Variants in SCML4 observed in about 807,000 individuals in gnomAD.
SCML4 encodes the protein sex comb on midleg-like protein 4.
Under a neutral mutation model 41.1 loss-of-function variants are expected in SCML4, and 34 were observed. The ratio of observed to expected loss-of-function variants is 0.83; its 90% confidence interval spans 0.63 to 1.10. The LOEUF is 1.10. Ranked by LOEUF, SCML4 falls within the 50% of genes least tolerant of loss-of-function variation. SCML4 has a pLI of 0.00. For synonymous variants in SCML4, 214 were observed against 220.9 expected, an observed-to-expected ratio of 0.97 and a Z score of 0.28; for missense variants, 522 against 534.1, an observed-to-expected ratio of 0.98 and a Z score of 0.22.
the SCML4 span, among the ~76,000 whole-genome samples, chr6:107,830,207 T>C: frequency 2.0e-5 from 3 of 151,254 alleles, no homozygotes; most frequent in South Asian, 4.3e-4. Context: ...GGTGATTGAA[T>C]CAAGTAAAAA....
rs533556389 is a variant in SCML4 at position 107,797,939 on chromosome 6, C to T, written c.-59-25553G>A. Among the ~76,000 whole-genome samples the T allele has an allele frequency of 1.4e-3, 213 of 152,002 alleles. 1 individual carries two copies. The highest frequency in any genetic ancestry group is 4.8e-3 in the African/African-American group (201 of 41,524). ...GAATTACACTGATGGATTTAGAATG[C>T]TAAACAAGCTTGCATTCCTGAAGTA... On this transcript the variant is annotated intron_variant, in intron 1 of 7. Coordinates refer to ENST00000369020, the MANE Select transcript of SCML4 (RefSeq NM_198081.5).
the SCML4 span, among the ~76,000 whole-genome samples, chr6:107,836,941 C>G: frequency 6.6e-6 from 1 of 152,342 alleles, no homozygotes; most frequent in Non-Finnish European, 1.5e-5. Context: ...GGGATATGAT[C>G]TAAGGCCACA....
chr6:107,804,460 GC>G (rs1250486147), intron 1 of SCML4, among the ~76,000 whole-genome samples: 2 of 152,086 alleles, frequency 1.3e-5, no homozygotes, highest in Non-Finnish European at 1.5e-5. Flanking sequence ...GTCTGGAGGG[GC>G]CAGGAGAGAA....
chr6:107,750,344 G>A (rs1778507556), intron 2 of SCML4, among the ~76,000 whole-genome samples: 1 of 152,222 alleles, frequency 6.6e-6, no homozygotes, highest in South Asian at 2.1e-4. Context: ...GACAAAACTA[G>A]GCTGGATGTG....
intron 2 of SCML4, among the ~76,000 whole-genome samples, chr6:107,759,839 C>T (rs1021066805): frequency 6.6e-5 from 10 of 152,076 alleles, no homozygotes; most frequent in African/African-American, 2.2e-4. Flanking sequence ...ATTTCCTCAT[C>T]GGGGAAATGG....
At chr6:107,784,817 G>T (rs1781760291) in intron 1 of SCML4, among the ~76,000 whole-genome samples, 1 of 152,212 alleles carries the variant, frequency 6.6e-6, no homozygotes, top group South Asian at 2.1e-4. Context: ...ATATGTGGGG[G>T]CTGCACTCAT....
intron 1 of SCML4, among the ~76,000 whole-genome samples, chr6:107,799,782 A>G (rs2114630241): frequency 6.6e-6 from 1 of 151,988 alleles, no homozygotes; most frequent in East Asian, 1.9e-4. Flanking sequence ...AGTGATTTTT[A>G]TGTCTTATAT....
At position 107,746,857 on chromosome 6, in the gene SCML4, C is replaced by T; in HGVS notation, c.319G>A (p.Gly107Arg). The T allele has an allele frequency of 6.2e-7, 1 of 1,613,746 alleles. No individual in the cohort carries two copies. Among genetic ancestry groups the T allele is most frequent in the Non-Finnish European group, 8.5e-7 (1 of 1,179,806 alleles). Residue 107 changes from glycine to arginine, a missense_variant, in exon 4 of 8, where the codon GGG becomes AGG. Gly to Arg is a moderately radical substitution (Grantham distance 125). Coordinates refer to ENST00000369020, the MANE Select transcript of SCML4 (RefSeq NM_198081.5). ...CLYINKQANAGPYLERKKVQQ... is the reference protein window; with the variant it reads ...CLYINKQANARPYLERKKVQQ... ...ACCTTCTTCCTCTCCAGATAGGGCC[C>T]CGCATTGGCCTGCTTGTTGATGTAG...
At chr6:107,803,463 C>CG (rs1741731948) in intron 1 of SCML4, among the ~76,000 whole-genome samples, 1 of 143,390 alleles carries the variant, frequency 7.0e-6, no homozygotes, top group Non-Finnish European at 1.5e-5. Context: ...CCGCCCGGTC[C>CG]GGGAGGTGAG....
intron 1 of SCML4, among the ~76,000 whole-genome samples, chr6:107,806,321 G>A (rs1783728234): frequency 6.6e-6 from 1 of 152,218 alleles, no homozygotes; most frequent in Admixed American, 6.5e-5. Flanking sequence ...TTGAAGGGCA[G>A]GAAGCCCACT....
intron 5 of SCML4, chr6:107,731,999 G>C (rs1038275214): frequency 1.3e-5 from 2 of 152,266 alleles, no homozygotes; most frequent in Non-Finnish European, 2.9e-5. Flanking sequence ...TCTGCCACCC[G>C]GCAGCCTCTC....
the SCML4 span, among the ~76,000 whole-genome samples, chr6:107,839,396 A>AGAAAGAAAGAAAGAAC: frequency 4.8e-5 from 7 of 144,856 alleles, no homozygotes; most frequent in African/African-American, 1.4e-4. Context: ...AAAGAAAGAA[A>AGAAAGAAAGAAAGAAC]GAAAGAAAGA....
intron 2 of SCML4, among the ~76,000 whole-genome samples, chr6:107,750,647 C>T (rs569362711): frequency 4.6e-5 from 7 of 152,268 alleles, no homozygotes; most frequent in Admixed American, 2.6e-4. Flanking sequence ...CTCACACATC[C>T]GGAGTTTTTA....
intron 5 of SCML4, among the ~76,000 whole-genome samples, chr6:107,721,775 G>A (rs13196663): frequency 0.54 from 81,998 of 151,710 alleles, 24,281 homozygotes; most frequent in Non-Finnish European, 0.66. Context: ...CACACCTTTA[G>A]TCCTGATACA....
chr6:107,836,364 C>T, the SCML4 span, among the ~76,000 whole-genome samples: 1 of 152,182 alleles, frequency 6.6e-6, no homozygotes, highest in African/African-American at 2.4e-5. Flanking sequence ...ACTCTCAGAG[C>T]TCTCTGTCTC....
intron 6 of SCML4, among the ~76,000 whole-genome samples, chr6:107,715,407 C>T (rs1279629727): frequency 6.6e-6 from 1 of 150,658 alleles, no homozygotes; most frequent in Non-Finnish European, 1.5e-5. Flanking sequence ...CAGGCCCTAT[C>T]AAATAAAAAT....
At chr6:107,790,845 G>A (rs764845882) in intron 1 of SCML4, among the ~76,000 whole-genome samples, 3 of 152,082 alleles carry the variant, frequency 2.0e-5, no homozygotes, top group Non-Finnish European at 2.9e-5. Context: ...TAAGGCGGAC[G>A]GATCACGGGA....
At chr6:107,767,116 C>A (rs147010206) in intron 2 of SCML4, among the ~76,000 whole-genome samples, 1 of 152,130 alleles carries the variant, frequency 6.6e-6, no homozygotes, top group African/African-American at 2.4e-5. Flanking sequence ...CGCCACCATG[C>A]CCAGCTAGTT....
chr6:107,812,343 T>C (rs1784217284), intron 1 of SCML4, among the ~76,000 whole-genome samples: 1 of 152,172 alleles, frequency 6.6e-6, no homozygotes, highest in Non-Finnish European at 1.5e-5. Flanking sequence ...AAACCCTCCA[T>C]ACCAGAGAGC....
Sources: allele counts gnomAD v4.1 joint callset (sites outside exome capture counted in the v4.1 genomes callset), GRCh38; gene constraint gnomAD v4.1.1; transcripts MANE v1.5; gene names NCBI Gene and HGNC (gene_info 2026-07-23, HGNC 2026-07-21).